The following PSPC1 variants were observed in gnomAD, a reference collection of about 807,000 sequenced individuals.
The protein encoded by PSPC1 is paraspeckle protein 1.
Under a neutral mutation model 51.6 loss-of-function variants are expected in PSPC1, and 14 were observed. That is an observed-to-expected ratio of 0.27 (90% CI 0.18 to 0.42). The LOEUF (loss-of-function observed/expected upper bound fraction) is 0.42, where lower values mean the gene tolerates loss of function less well. PSPC1 is among the 10% of genes least tolerant of loss of function. The pLI is 1.00. For synonymous variants in PSPC1, 193 were observed against 231.9 expected, an observed-to-expected ratio of 0.83 and a Z score of 1.53; for missense variants, 406 against 701.1, an observed-to-expected ratio of 0.58 and a Z score of 4.75.
chr13:19,682,486 CAAAAAAAA>C (rs138769031), intron 6 of PSPC1, among the ~76,000 whole-genome samples: 34 of 98,630 alleles, frequency 3.4e-4, no homozygotes, highest in Non-Finnish European at 5.5e-4. Context: ...GGCTGAATGG[CAAAAAAAA>C]AAAAAAAAAA....
intron 4 of PSPC1, 109 bp downstream of exon 4, chr13:19,751,162 C>G (rs1374661379): frequency 2.4e-6 from 2 of 824,720 alleles, no homozygotes; most frequent in Non-Finnish European, 3.4e-6. Context: ...TGAGTTCCAA[C>G]TTTACCTCTA....
intron 6 of PSPC1, among the ~76,000 whole-genome samples, chr13:19,684,113 T>C (rs1419418127): frequency 3.9e-5 from 6 of 152,188 alleles, no homozygotes; most frequent in Non-Finnish European, 7.4e-5. Flanking sequence ...AAGTGAGACA[T>C]GTCACTGAAA....
intron 6 of PSPC1, among the ~76,000 whole-genome samples, chr13:19,720,296 C>A (rs550974919): frequency 8.5e-4 from 130 of 152,264 alleles, no homozygotes; most frequent in Middle Eastern, 3.4e-3. Context: ...ACCATCATAA[C>A]TGGCCAGGTC....
chr13:19,730,986 A>AAAAAAAAAAAAC (rs1566002631), intron 5 of PSPC1, among the ~76,000 whole-genome samples: 1 of 149,958 alleles, frequency 6.7e-6, no homozygotes, highest in Non-Finnish European at 1.5e-5. Context: ...AAAACAGAAA[A>AAAAAAAAAAAAC]AGTCTGAGAT....
intron 5 of PSPC1, among the ~76,000 whole-genome samples, chr13:19,740,674 G>A (rs1054440735): frequency 6.6e-6 from 1 of 152,046 alleles, no homozygotes; most frequent in African/African-American, 2.4e-5. Context: ...GAAGAGTAAT[G>A]TTTATACCAT....
intron 2 of PSPC1, among the ~76,000 whole-genome samples, chr13:19,759,777 G>A (rs1459503082): frequency 6.6e-6 from 1 of 151,184 alleles, no homozygotes; most frequent in Admixed American, 6.6e-5. Context: ...CAGGAGAACT[G>A]CTTGAACCCC....
intron 2 of PSPC1, among the ~76,000 whole-genome samples, chr13:19,768,974 C>CAAA (rs35394300): frequency 8.1e-6 from 1 of 123,978 alleles, no homozygotes; most frequent in Non-Finnish European, 1.7e-5. Context: ...ATCTCTACTG[C>CAAA]AAAAAAAAAA....
At position 19,772,480 on chromosome 13, in the gene PSPC1, G is replaced by A. The variant is rs773985876; in HGVS notation, c.436C>T (p.Pro146Ser). Residue 146 changes from proline to serine, a missense_variant, in exon 2 of 9, where the codon CCT (proline) becomes TCT (serine). Around this residue, in one of 5 missense-constraint regions of PSPC1, gnomAD observed 180 missense variants for 337.9 expected, o/e 0.53. Transcript: ENST00000338910. ...TGTGTAGCGAAGCGAATCCGTAGAGGTCTGCTCTTGAGAATGGTGCCGTCC... is the reference window on the plus strand; with the variant it reads ...TGTGTAGCGAAGCGAATCCGTAGAGATCTGCTCTTGAGAATGGTGCCGTCC... ...ELDGTILKSR[P>S]LRIRFATHGA... 1 of 1,614,186 alleles carries A rather than the reference G, an allele frequency of 6.2e-7. No homozygotes were observed. Among genetic ancestry groups the A allele is most frequent in the Non-Finnish European group, 8.5e-7 (1 of 1,180,046 alleles).
intron 6 of PSPC1, among the ~76,000 whole-genome samples, chr13:19,688,455 G>C (rs1273924966): frequency 6.6e-6 from 1 of 152,138 alleles, no homozygotes; most frequent in Admixed American, 6.5e-5. Context: ...CTCAATTCAT[G>C]CATATGTAAG....
intron 6 of PSPC1, among the ~76,000 whole-genome samples, chr13:19,722,745 G>C (rs1882924202): frequency 6.6e-6 from 1 of 152,072 alleles, no homozygotes; most frequent in South Asian, 2.1e-4. Context: ...CATGAGCTGA[G>C]ATCGCGCCAC....
chr13:19,690,305 A>G (rs114991409), intron 6 of PSPC1, among the ~76,000 whole-genome samples: 2 of 152,210 alleles, frequency 1.3e-5, no homozygotes, highest in Non-Finnish European at 2.9e-5. Flanking sequence ...GTGATCACCT[A>G]TAGAAACTAT....
chr13:19,747,610 C>CA (rs1434338503), intron 4 of PSPC1, among the ~76,000 whole-genome samples: 4 of 152,188 alleles, frequency 2.6e-5, no homozygotes, highest in African/African-American at 9.7e-5. Flanking sequence ...GAATTACAGG[C>CA]ATGAGCCACT....
At chr13:19,730,965 C>CAAAAA (rs56753561) in intron 5 of PSPC1, among the ~76,000 whole-genome samples, 7 of 37,358 alleles carry the variant, frequency 1.9e-4, no homozygotes, top group East Asian at 4.0e-3. Flanking sequence ...AACAAAAAAA[C>CAAAAA]AAAAAAAAAA....
chr13:19,770,170 CAGA>C lies in PSPC1; in HGVS notation c.674+2069_674+2071del, dbSNP rs527620466. ...TATGCTGAGCAAGAGAAGCCAGACA[CAGA>C]AGAATACATACTATATGATTTCACT... On this transcript the variant is annotated intron_variant, in intron 2 of 8. Transcript: ENST00000338910. Among the ~76,000 whole-genome samples, 565 of 152,262 alleles carry C rather than the reference CAGA, an allele frequency of 3.7e-3. 4 individuals are homozygous for C. The highest frequency in any genetic ancestry group is 0.013 in the African/African-American group (523 of 41,544).
At chr13:19,715,945 C>T (rs868642527) in intron 6 of PSPC1, among the ~76,000 whole-genome samples, 2 of 151,894 alleles carry the variant, frequency 1.3e-5, no homozygotes, top group African/African-American at 4.8e-5. Context: ...ACCCGGGAGG[C>T]GGAGCTTGCA....
chr13:19,671,346 T>C, downstream of PSPC1: 4 of 1,484,336 alleles, frequency 2.7e-6, no homozygotes, highest in Non-Finnish European at 3.7e-6. Flanking sequence ...TCCAGATTAC[T>C]TTATCAACAT....
chr13:19,745,513 A>G (rs1393197941), intron 4 of PSPC1, among the ~76,000 whole-genome samples: 1 of 152,120 alleles, frequency 6.6e-6, no homozygotes, highest in Non-Finnish European at 1.5e-5. Context: ...AACTGAATGT[A>G]TAACTTCTGA....
chr13:19,760,774 A>G (rs1887540895), intron 2 of PSPC1, among the ~76,000 whole-genome samples: 1 of 151,712 alleles, frequency 6.6e-6, no homozygotes, highest in East Asian at 1.9e-4. Flanking sequence ...GGATCACAAG[A>G]TCAGGAGTTT....
chr13:19,690,495 T>C (rs896475285), intron 6 of PSPC1, among the ~76,000 whole-genome samples: 7 of 152,168 alleles, frequency 4.6e-5, no homozygotes, highest in Middle Eastern at 6.3e-3. Flanking sequence ...ATACAGAAAC[T>C]TATAAAACCA....
Sources: gnomAD v4.1 joint callset for allele counts (sites outside exome capture counted in the v4.1 genomes callset) on GRCh38, gnomAD v4.1.1 for gene constraint, gnomAD v4.1.1 regional missense constraint, MANE v1.5 for transcripts, NCBI Gene and HGNC (gene_info 2026-07-23, HGNC 2026-07-21) for gene names.